Variants in ADRA2A observed in about 807,000 individuals in gnomAD.
ADRA2A encodes alpha-2A adrenergic receptor.
ADRA2A carries 6 observed loss-of-function variants against 5.9 expected under a neutral mutation model. The observed-to-expected ratio is 1.01, with a 90% CI of 0.55 to 2.00. The LOEUF is 2.00. Ranked by LOEUF, ADRA2A falls within the 30% of genes most tolerant of loss-of-function variation. The probability of loss-of-function intolerance (pLI) is 0.00; values close to 1 mark genes in which losing one functional copy is unlikely to be tolerated. For synonymous variants in ADRA2A, 345 were observed against 325.9 expected (o/e 1.06, Z -0.63); for missense variants, 647 against 690.0 (o/e 0.94, Z 0.70).
rs572689909 is a variant in ADRA2A, at chr10:111,079,737, G to A, written c.*343G>A. 6.7e-4 allele frequency: 214 copies of A among 319,906 alleles called. No homozygotes were observed. In the Middle Eastern group the frequency reaches 0.012, roughly 17 times the overall value. 19.8% of individuals were successfully genotyped at this position (319,906 alleles called of 1,614,324 possible). On this transcript the variant is annotated 3_prime_UTR_variant, in exon 1 of 1. Coordinates refer to ENST00000280155, the MANE Select transcript of ADRA2A (RefSeq NM_000681.4). ...TTCAGAGCAAGCACTGGACTACAAG[G>A]GCATGGCTCACAAAAGGTTAATGGA...
chr10:111,077,789 G>C lies in ADRA2A; in HGVS notation c.-208G>C. The C allele has an allele frequency of 1.6e-6, 1 of 610,958 alleles. No homozygotes were observed. The highest frequency in any genetic ancestry group is 2.4e-6 in the Non-Finnish European group (1 of 423,290). 37.8% of individuals were successfully genotyped at this position (610,958 alleles called of 1,614,324 possible). ...CTCGGAGCAAGAAGGCGCCCACCGA[G>C]AGCGTCTGAAGCGCGAGCCAGGCGC... On this transcript the variant is annotated 5_prime_UTR_variant, in exon 1 of 1. Coordinates refer to ENST00000280155, the MANE Select transcript of ADRA2A (RefSeq NM_000681.4).
Position 111,077,972 on chromosome 10 carries a change from C to T in ADRA2A, c.-25C>T, listed in dbSNP as rs1274888124. On this transcript the variant is annotated 5_prime_UTR_variant, in exon 1 of 1. Transcript: ENST00000280155. ...GGGCCGGAAGGCAGCTGGCAGCAGG[C>T]CCAGGCCAGCGGGCGCCCGCGTTCA... is the stretch of plus-strand genomic sequence containing the variant. The T allele has an allele frequency of 2.2e-6, 3 of 1,381,326 alleles. No homozygotes were observed. In the South Asian group the frequency reaches 5.1e-5, roughly 23 times the overall value. 85.6% of individuals were successfully genotyped at this position (1,381,326 alleles called of 1,614,324 possible).
Position 111,078,359 on chromosome 10 carries a change from C to T in ADRA2A, c.363C>T (p.Cys121=), listed in dbSNP as rs1026262231. 8 of 1,613,922 alleles carry T rather than the reference C, an allele frequency of 5.0e-6. No individual in the cohort carries two copies. In the African/African-American group the frequency reaches 1.1e-4, roughly 22 times the overall value. ...ACTGGTACTTCGGCAAGGCTTGGTG[C>T]GAGATCTACCTGGCGCTCGACGTGC... ...MGYWYFGKAW[C]EIYLALDVLF... The change falls in exon 1 of 1, where the codon TGC becomes TGT. Residue 121 remains cysteine, a synonymous_variant. Coordinates refer to ENST00000280155, the MANE Select transcript of ADRA2A (RefSeq NM_000681.4).
At position 111,078,755 on chromosome 10, in the gene ADRA2A, C is replaced by A; in HGVS notation, c.759C>A (p.Ala253=). Residue 253 remains alanine (A), a synonymous_variant, in exon 1 of 1, where the codon GCC becomes GCA. Coordinates refer to ENST00000280155, the MANE Select transcript of ADRA2A (RefSeq NM_000681.4). ...RVPPSRRGPD[A]VAAPPGGTER... ...CACCCAGCCGCCGGGGTCCGGACGCCGTCGCCGCGCCGCCGGGGGGCACCG... is the reference window on the plus strand; with the variant it reads ...CACCCAGCCGCCGGGGTCCGGACGCAGTCGCCGCGCCGCCGGGGGGCACCG... 1 of 1,429,972 alleles carries A rather than the reference C, an allele frequency of 7.0e-7. No homozygotes were observed. The highest frequency in any genetic ancestry group is 9.1e-7 in the Non-Finnish European group (1 of 1,096,890). 88.6% of individuals were successfully genotyped at this position (1,429,972 alleles called of 1,614,324 possible).
chr10:111,079,787 T>G lies in ADRA2A; in HGVS notation c.*393T>G. 2 of 216,820 alleles carry G rather than the reference T, an allele frequency of 9.2e-6. No individual in the cohort carries two copies. The highest frequency in any genetic ancestry group is 1.2e-4 in the East Asian group (1 of 8,458). The allele number at this position is 216,820 out of a possible 1,614,324, so 13.4% of individuals were successfully genotyped here. On this transcript the variant is annotated 3_prime_UTR_variant, in exon 1 of 1. Coordinates refer to ENST00000280155, the MANE Select transcript of ADRA2A (RefSeq NM_000681.4). ...ATGGGGGTTACCTAGCCCTGGCTAATTCCCCTTCCATTCCCAACTCTCTCT... is the reference window on the plus strand; with the variant it reads ...ATGGGGGTTACCTAGCCCTGGCTAAGTCCCCTTCCATTCCCAACTCTCTCT...
chr10:111,079,389 G>T lies in ADRA2A; in HGVS notation c.1393G>T (p.Val465Leu). Residue 465 changes from valine to leucine, a missense_variant, in exon 1 of 1, where the codon GTG (valine) becomes TTG (leucine). This residue lies in a region of ADRA2A where 62 missense variants were observed against 59.8 expected (regional missense o/e 1.04). Coordinates refer to ENST00000280155, the MANE Select transcript of ADRA2A (RefSeq NM_000681.4). ...CTGTCGGGGGGACAGGAAGCGGATC[G>T]TGTGAGGTTTCCGCTGGCGCCCGCG... ...ILCRGDRKRI[V>L] 6.2e-7 allele frequency: 1 copy of T among 1,613,736 alleles called. No homozygotes were observed. Among genetic ancestry groups the T allele is most frequent in the Non-Finnish European group, 8.5e-7 (1 of 1,179,962 alleles).
At position 111,078,103 on chromosome 10, in the gene ADRA2A, G is replaced by A. The variant is rs780365245; in HGVS notation, c.107G>A (p.Gly36Asp). 1.9e-6 allele frequency: 3 copies of A among 1,570,646 alleles called. No individual in the cohort carries two copies. The highest frequency in any genetic ancestry group is 2.6e-6 in the Non-Finnish European group (3 of 1,163,188). ...ASWNGTEAPG[G>D]GARATPYSLQ... ...TGGAACGGGACCGAGGCGCCGGGGG[G>A]CGGCGCCCGGGCCACCCCTTACTCC... is the stretch of plus-strand genomic sequence containing the variant. The change falls in exon 1 of 1, where the codon GGC becomes GAC. Residue 36 changes from glycine (G) to aspartate (D), a missense_variant. Physicochemically the swap from Gly to Asp is moderately conservative, Grantham distance 94 (BLOSUM62 -1). Transcript: ENST00000280155.
At position 111,080,280 on chromosome 10, in the gene ADRA2A, C is replaced by G. The variant is rs1190227297; in HGVS notation, c.*886C>G. 6.0e-6 allele frequency: 1 copy of G among 166,916 alleles called. No homozygotes were observed. The highest frequency in any genetic ancestry group is 2.4e-5 in the African/African-American group (1 of 41,402). The allele number at this position is 166,916 out of a possible 1,614,324, so 10.3% of individuals were successfully genotyped here. A position where few individuals can be genotyped will look rare whatever the true frequency, so the allele number is the denominator to read the frequency against. On this transcript the variant is annotated 3_prime_UTR_variant, in exon 1 of 1. Coordinates refer to ENST00000280155, the MANE Select transcript of ADRA2A (RefSeq NM_000681.4). The stretch of plus-strand genomic sequence containing the variant: ...ATGCACTGTTTGCCCCAGTAACTCA[C>G]TTTAAAACCTCTCTTTCCAGTGTTC...
At position 111,078,671 on chromosome 10, in the gene ADRA2A, C is replaced by T. The variant is rs773495210; in HGVS notation, c.675C>T (p.Leu225=). 5 of 1,581,580 alleles carry T rather than the reference C, an allele frequency of 3.2e-6. No homozygotes were observed. Among genetic ancestry groups the T allele is most frequent in the South Asian group, 1.1e-5 (1 of 87,328 alleles). The change falls in exon 1 of 1, where the codon CTC becomes CTT. Residue 225 remains leucine (L), a synonymous_variant. Coordinates refer to ENST00000280155, the MANE Select transcript of ADRA2A (RefSeq NM_000681.4). ...SCIGSFFAPC[L]IMILVYVRIY... Reference sequence around the variant, plus strand: ...TCGGCTCCTTCTTCGCTCCCTGCCTCATCATGATCCTGGTCTACGTGCGCA... The same window carrying T: ...TCGGCTCCTTCTTCGCTCCCTGCCTTATCATGATCCTGGTCTACGTGCGCA...
Position 111,077,947 on chromosome 10 carries a change from G to A in ADRA2A, c.-50G>A, listed in dbSNP as rs1843549750. ...AGGAAGAGGAGGACCCACGGGCGCC[G>A]GGCCGGAAGGCAGCTGGCAGCAGGC... is the stretch of plus-strand genomic sequence containing the variant. On this transcript the variant is annotated 5_prime_UTR_variant, in exon 1 of 1. Coordinates refer to ENST00000280155, the MANE Select transcript of ADRA2A (RefSeq NM_000681.4). 40 of 1,339,650 alleles carry A rather than the reference G, an allele frequency of 3.0e-5. No individual in the cohort carries two copies. Among genetic ancestry groups the A allele is most frequent in the Non-Finnish European group, 3.7e-5 (39 of 1,053,776 alleles). 83.0% of individuals were successfully genotyped at this position (1,339,650 alleles called of 1,614,324 possible).
In ADRA2A at chr10:111,079,585, C is replaced by A. The variant is rs1353716463; in HGVS notation, c.*191C>A. On this transcript the variant is annotated 3_prime_UTR_variant, in exon 1 of 1. Coordinates refer to ENST00000280155, the MANE Select transcript of ADRA2A (RefSeq NM_000681.4). The stretch of plus-strand genomic sequence containing the variant: ...AAGGGAAGCTTCTTGCTGCCAGGCC[C>A]ACACATCCCCAGTTGTTGGTTTGGC... 1.7e-5 allele frequency: 11 copies of A among 644,356 alleles called. No homozygotes were observed. The highest frequency in any genetic ancestry group is 9.2e-5 in the African/African-American group (5 of 54,346). 39.9% of individuals were successfully genotyped at this position (644,356 alleles called of 1,614,324 possible).
rs1178358696 is a variant in ADRA2A, at chr10:111,079,142, C to A, written c.1146C>A (p.Asn382Lys). Reference protein sequence around the residue: ...AKASRWRGRQNREKRFTFVLA... With the variant: ...AKASRWRGRQKREKRFTFVLA... ...CGTCGCGCTGGCGCGGGCGGCAGAA[C>A]CGCGAGAAGCGCTTCACGTTCGTGC... The change falls in exon 1 of 1, where the codon AAC becomes AAA. Residue 382 changes from asparagine (N) to lysine (K), a missense_variant. Asn to Lys is a moderately conservative substitution (Grantham distance 94). This residue lies in a region of ADRA2A where 577 missense variants were observed against 605.4 expected (regional missense o/e 0.95). Transcript: ENST00000280155. The A allele has an allele frequency of 6.2e-7, 1 of 1,606,358 alleles. No individual in the cohort carries two copies. The highest frequency in any genetic ancestry group is 2.2e-5 in the East Asian group (1 of 44,704).
chr10:111,078,347 CA>C lies in ADRA2A; in HGVS notation c.353del (p.Lys118ArgfsTer41), dbSNP rs764660103. ...AGGTCATGGGCTACTGGTACTTCGG[CA>C]AGGCTTGGTGCGAGATCTACCTGGC... ...NEVMGYWYFG[K>X]AWCEIYLALD... On this transcript the variant is annotated frameshift_variant, in exon 1 of 1. Transcript: ENST00000280155. LOFTEE classifies it low-confidence loss of function (END_TRUNC). The C allele has an allele frequency of 6.2e-7, 1 of 1,613,626 alleles. No homozygotes were observed. Among genetic ancestry groups the C allele is most frequent in the Non-Finnish European group, 8.5e-7 (1 of 1,179,872 alleles).
chr10:111,079,068 G>C lies in ADRA2A; in HGVS notation c.1072G>C (p.Gly358Arg), dbSNP rs1431880172. ...GCGCGGGCCGGGGGCGACGGGGATC[G>C]GGACGCCGGCTGCAGGGCCGGGGGA... ...PRRGPGATGI[G>R]TPAAGPGEER... The change falls in exon 1 of 1, where the codon GGG becomes CGG. Residue 358 changes from glycine to arginine, a missense_variant. Physicochemically the swap from Gly to Arg is moderately radical, Grantham distance 125. Coordinates refer to ENST00000280155, the MANE Select transcript of ADRA2A (RefSeq NM_000681.4). 44 of 1,352,592 alleles carry C rather than the reference G, an allele frequency of 3.3e-5. No homozygotes were observed. The highest frequency in any genetic ancestry group is 2.0e-4 in the Middle Eastern group (1 of 4,996). The allele number at this position is 1,352,592 out of a possible 1,614,324, so 83.8% of individuals were successfully genotyped here. A position where few individuals can be genotyped will look rare whatever the true frequency, so the allele number is the denominator to read the frequency against.
At position 111,077,803 on chromosome 10, in the gene ADRA2A, C is replaced by T. The variant is rs1843547979; in HGVS notation, c.-194C>T. The T allele has an allele frequency of 2.5e-6, 2 of 807,282 alleles. No individual in the cohort carries two copies. Among genetic ancestry groups the T allele is most frequent in the Non-Finnish European group, 3.3e-6 (2 of 600,140 alleles). The allele number at this position is 807,282 out of a possible 1,614,324, so 50.0% of individuals were successfully genotyped here. On this transcript the variant is annotated 5_prime_UTR_variant, in exon 1 of 1. Transcript: ENST00000280155. Reference sequence around the variant, plus strand: ...GCGCCCACCGAGAGCGTCTGAAGCGCGAGCCAGGCGCAGTTCGCGGGACCC... The same window carrying T: ...GCGCCCACCGAGAGCGTCTGAAGCGTGAGCCAGGCGCAGTTCGCGGGACCC...
In ADRA2A at chr10:111,078,522, T is replaced by C. The variant is rs778937983; in HGVS notation, c.526T>C (p.Ser176Pro). 6.2e-7 allele frequency: 1 copy of C among 1,609,572 alleles called. No homozygotes were observed. The highest frequency in any genetic ancestry group is 2.2e-5 in the East Asian group (1 of 44,590). Residue 176 changes from serine to proline, a missense_variant, in exon 1 of 1, where the codon TCG (serine) becomes CCG (proline). By Grantham distance (74) the Ser-to-Pro change is moderately conservative. This residue lies in a region of ADRA2A where 577 missense variants were observed against 605.4 expected (regional missense o/e 0.95). Transcript: ENST00000280155. ...CATCATCATCACCGTGTGGGTCATC[T>C]CGGCCGTCATCTCCTTCCCGCCGCT... ...KAIIITVWVI[S>P]AVISFPPLIS... is the part of the protein sequence containing the mutation.
At position 111,079,767 on chromosome 10, in the gene ADRA2A, G is replaced by T. The variant is rs1843575832; in HGVS notation, c.*373G>T. ...GGCTCACAAAAGGTTAATGGATGGG[G>T]GTTACCTAGCCCTGGCTAATTCCCC... On this transcript the variant is annotated 3_prime_UTR_variant, in exon 1 of 1. Transcript: ENST00000280155. 1 of 255,256 alleles carries T rather than the reference G, an allele frequency of 3.9e-6. No individual in the cohort carries two copies. The highest frequency in any genetic ancestry group is 8.0e-6 in the Non-Finnish European group (1 of 124,722). The allele number at this position is 255,256 out of a possible 1,614,324, so 15.8% of individuals were successfully genotyped here. A position where few individuals can be genotyped will look rare whatever the true frequency, so the allele number is the denominator to read the frequency against.
At position 111,078,928 on chromosome 10, in the gene ADRA2A, G is replaced by C; in HGVS notation, c.932G>C (p.Ser311Thr). The stretch of plus-strand genomic sequence containing the variant: ...ACCGACGCGCTGGACCTGGAGGAGA[G>C]CTCGTCTTCCGACCACGCCGAGCGG... Reference protein sequence around the residue: ...RDTDALDLEESSSSDHAERPP... With the variant: ...RDTDALDLEETSSSDHAERPP... Residue 311 changes from serine (S) to threonine (T), a missense_variant, in exon 1 of 1, where the codon AGC becomes ACC. Physicochemically the swap from Ser to Thr is moderately conservative, Grantham distance 58 (BLOSUM62 1). Coordinates refer to ENST00000280155, the MANE Select transcript of ADRA2A (RefSeq NM_000681.4). 8.1e-7 allele frequency: 1 copy of C among 1,234,062 alleles called. No individual in the cohort carries two copies. The highest frequency in any genetic ancestry group is 1.0e-6 in the Non-Finnish European group (1 of 988,732). 76.4% of individuals were successfully genotyped at this position (1,234,062 alleles called of 1,614,324 possible). A position where few individuals can be genotyped will look rare whatever the true frequency, so the allele number is the denominator to read the frequency against.
At position 111,078,248 on chromosome 10, in the gene ADRA2A, C is replaced by T. The variant is rs33944494; in HGVS notation, c.252C>T (p.Asn84=). The change falls in exon 1 of 1, where the codon AAC becomes AAT. Residue 84 remains asparagine (N), a synonymous_variant. Transcript: ENST00000280155. Reference sequence around the variant, plus strand: ...GCCGCGCGCTCAAGGCGCCCCAAAACCTCTTCCTGGTGTCTCTGGCCTCGG... The same window carrying T: ...GCCGCGCGCTCAAGGCGCCCCAAAATCTCTTCCTGGTGTCTCTGGCCTCGG... ...FTSRALKAPQ[N]LFLVSLASAD... 4.2e-4 allele frequency: 671 copies of T among 1,613,626 alleles called. 2 individuals are homozygous for T. In the African/African-American group the frequency reaches 7.5e-3, roughly 18 times the overall value.
Sources: gnomAD v4.1 joint callset for allele counts on GRCh38, gnomAD v4.1.1 for gene constraint, gnomAD v4.1.1 regional missense constraint, MANE v1.5 for transcripts, NCBI Gene and HGNC (gene_info 2026-07-23, HGNC 2026-07-21) for gene names.